Variants in CSAG1 observed in about 807,000 individuals in gnomAD.
CSAG1 encodes the protein chondrosarcoma-associated gene 1 protein.
Under a neutral mutation model 4.8 loss-of-function variants are expected in CSAG1, and 4 were observed. The observed-to-expected ratio is 0.83, with a 90% CI of 0.41 to 1.90. CSAG1 has a LOEUF of 1.90. Among genes scored for constraint, CSAG1 ranks in the 40% most tolerant of loss-of-function variants. The probability of loss-of-function intolerance (pLI) is 0.03; values close to 1 mark genes in which losing one functional copy is unlikely to be tolerated. For synonymous variants in CSAG1, 21 were observed against 23.1 expected, an observed-to-expected ratio of 0.91 and a Z score of 0.26; for missense variants, 69 against 59.5, an observed-to-expected ratio of 1.16 and a Z score of -0.53.
At chrX:152,732,548 T>G in intron 1 of CSAG1, 44 bp from the exon 2 acceptor site, 1 of 1,193,196 alleles carries the variant, frequency 8.4e-7, no homozygotes, top group Non-Finnish European at 1.1e-6. Flanking sequence ...AAACCAGTAT[T>G]AGCAAGAAAA....
intron 2 of CSAG1, among the ~76,000 whole-genome samples, chrX:152,731,616 A>G (rs1460862147): frequency 8.9e-6 from 1 of 111,743 alleles, no homozygotes; most frequent in Non-Finnish European, 1.9e-5. Context: ...TGGAAAAAGA[A>G]CACACCAAGT....
intron 2 of CSAG1, among the ~76,000 whole-genome samples, chrX:152,731,811 C>T (rs782796158): frequency 1.8e-5 from 2 of 111,199 alleles, no homozygotes; most frequent in Non-Finnish European, 3.8e-5. Context: ...ACAGAAAAAG[C>T]TTTTTAAAGA....
chrX:152,729,733 G>T (rs1556831482), intron 2 of CSAG1, among the ~76,000 whole-genome samples: 1 of 110,655 alleles, frequency 9.0e-6, no homozygotes, highest in Middle Eastern at 4.2e-3. Flanking sequence ...TGCCAGGGAA[G>T]ATGTGGAGCA....
At chrX:152,728,999 T>A (rs1932091015) in intron 2 of CSAG1, among the ~76,000 whole-genome samples, 1 of 110,425 alleles carries the variant, frequency 9.1e-6, no homozygotes, top group Non-Finnish European at 1.9e-5. Context: ...AAAATATGAA[T>A]TTGGTGGAGG....
intron 2 of CSAG1, among the ~76,000 whole-genome samples, chrX:152,728,913 T>C (rs1489520557): frequency 3.6e-5 from 4 of 111,958 alleles, no homozygotes; most frequent in Non-Finnish European, 7.5e-5. Flanking sequence ...GCCCCACCCT[T>C]ATGACCTCTT....
chrX:152,729,146 G>A (rs1390676716), intron 2 of CSAG1, among the ~76,000 whole-genome samples: 1 of 110,769 alleles, frequency 9.0e-6, no homozygotes, highest in Non-Finnish European at 1.9e-5. Flanking sequence ...AACAAAAGGT[G>A]TCGGAACAAT....
At chrX:152,731,797 G>C (rs781904966) in intron 2 of CSAG1, among the ~76,000 whole-genome samples, 10 of 111,382 alleles carry the variant, frequency 9.0e-5, no homozygotes, top group Non-Finnish European at 1.9e-4. Context: ...TCCTGTCAAA[G>C]GGTACAGAAA....
chrX:152,727,900 G>A (rs1932052474), intron 3 of CSAG1, 37 bp from the exon 4 acceptor site: 8 of 1,200,241 alleles, frequency 6.7e-6, no homozygotes, highest in Non-Finnish European at 9.0e-6. Flanking sequence ...GAGGGCACTG[G>A]TTTGGGGAAG....
chrX:152,728,370 G>A, intron 2 of CSAG1, 146 bp from the exon 3 acceptor site: 1 of 584,091 alleles, frequency 1.7e-6, no homozygotes, highest in Non-Finnish European at 2.9e-6. Context: ...TCAACTGATT[G>A]TAAATGTTGA....
At chrX:152,732,525 A>G in intron 1 of CSAG1, 21 bp from the exon 2 acceptor site, 6 of 1,207,138 alleles carry the variant, frequency 5.0e-6, no homozygotes, top group Non-Finnish European at 6.7e-6. Flanking sequence ...ATAGAATGGA[A>G]ACAGAAAGTA....
In CSAG1 at chrX:152,730,152, G is replaced by A. The variant is rs183219107; in HGVS notation, c.17-1928C>T. Among the ~76,000 whole-genome samples the A allele has an allele frequency of 1.1e-3, 120 of 108,610 alleles. 1 individual carries two copies. The highest frequency in any genetic ancestry group is 3.8e-3 in the African/African-American group (112 of 29,635). 94.3% of individuals were successfully genotyped at this position (108,610 alleles called of 115,157 possible). On this transcript the variant is annotated intron_variant, in intron 2 of 3. Coordinates refer to ENST00000452779, the MANE Select transcript of CSAG1 (RefSeq NM_001102576.3). ...ATGCTAAACGAGTCTAAAGAAACGAGTCTAGAAAGAAACGAGTCTAAAAAG... is the reference window on the plus strand; with the variant it reads ...ATGCTAAACGAGTCTAAAGAAACGAATCTAGAAAGAAACGAGTCTAAAAAG...
At chrX:152,729,040 G>A (rs1202733299) in intron 2 of CSAG1, among the ~76,000 whole-genome samples, 11 of 109,514 alleles carry the variant, frequency 1.0e-4, no homozygotes, top group Non-Finnish European at 1.9e-4. Flanking sequence ...TAGACACATA[G>A]GTTAATAAAA....
chrX:152,732,544 G>C, intron 1 of CSAG1, 40 bp from the exon 2 acceptor site: 1 of 1,194,894 alleles, frequency 8.4e-7, no homozygotes, highest in African/African-American at 1.7e-5. Flanking sequence ...TAAAAAACCA[G>C]TATTAGCAAG....
At chrX:152,730,558 G>A (rs781994144) in intron 2 of CSAG1, among the ~76,000 whole-genome samples, 4 of 111,586 alleles carry the variant, frequency 3.6e-5, no homozygotes, top group Non-Finnish European at 7.5e-5. Context: ...TAGGAACTAG[G>A]GAGCAGGACT....
At chrX:152,730,542 G>A (rs1556228579) in intron 2 of CSAG1, among the ~76,000 whole-genome samples, 2 of 111,463 alleles carry the variant, frequency 1.8e-5, no homozygotes, top group South Asian at 3.9e-4. Context: ...GGAAAAGGCA[G>A]GTGTCTAGGA....
chrX:152,732,160 T>C (rs1444697805), intron 2 of CSAG1, among the ~76,000 whole-genome samples: 6 of 112,523 alleles, frequency 5.3e-5, no homozygotes, highest in African/African-American at 1.9e-4. Flanking sequence ...GTGCAACAGA[T>C]TACTACAGCA....
chrX:152,728,227 A>G lies in CSAG1; in HGVS notation c.17-3T>C, dbSNP rs1569461448. On this transcript the variant is annotated splice_polypyrimidine_tract_variant and splice_region_variant and intron_variant, in intron 2 of 3. Transcript: ENST00000452779. Reference sequence around the variant, plus strand: ...GACAGTGAAGGCAGGCCAGCAGGCTAGAAACTCACACGACATTATTATGTT... The same window carrying G: ...GACAGTGAAGGCAGGCCAGCAGGCTGGAAACTCACACGACATTATTATGTT... 8.3e-7 allele frequency: 1 copy of G among 1,204,519 alleles called. No individual in the cohort carries two copies. The highest frequency in any genetic ancestry group is 1.8e-5 in the South Asian group (1 of 56,772).
chrX:152,732,978 A>AG (rs782588786), intron 1 of CSAG1: 1 of 117,329 alleles, frequency 8.5e-6, no homozygotes, highest in South Asian at 3.3e-4. Flanking sequence ...ATGCATACTA[A>AG]GGGTAGGTGT....
intron 2 of CSAG1, among the ~76,000 whole-genome samples, chrX:152,730,281 AG>A (rs1425772545): frequency 9.0e-6 from 1 of 111,657 alleles, no homozygotes; most frequent in Non-Finnish European, 1.9e-5. Flanking sequence ...TGACAAGCAC[AG>A]GGGATTTATC....
Sources: allele counts gnomAD v4.1 joint callset (sites outside exome capture counted in the v4.1 genomes callset), GRCh38; gene constraint gnomAD v4.1.1; transcripts MANE v1.5; gene names NCBI Gene and HGNC (gene_info 2026-07-23, HGNC 2026-07-21).